Variants in NSF observed in about 807,000 individuals in gnomAD.
NSF encodes the protein N-ethylmaleimide sensitive factor, vesicle fusing ATPase.
Under a neutral mutation model 50.3 loss-of-function variants are expected in NSF, and 14 were observed. The observed-to-expected ratio is 0.28, with a 90% CI of 0.18 to 0.44. The LOEUF (loss-of-function observed/expected upper bound fraction) is 0.44, where lower values mean the gene tolerates loss of function less well. Among genes scored for constraint, NSF ranks in the 20% least tolerant of loss-of-function variants. The pLI is 1.00. For missense variants in NSF, 218 were observed against 504.3 expected, an observed-to-expected ratio of 0.43 and a Z score of 5.44; for synonymous variants, 109 against 175.7, an observed-to-expected ratio of 0.62 and a Z score of 3.00.
intron 9 of NSF, among the ~76,000 whole-genome samples, chr17:46,676,231 TTC>T (rs1266273127): frequency 5.0e-5 from 7 of 140,700 alleles, no homozygotes; most frequent in South Asian, 2.2e-4. Flanking sequence ...GGAATTCTTC[TTC>T]TTTTTTTTTT....
intron 1 of NSF, among the ~76,000 whole-genome samples, chr17:46,607,924 G>A (rs1480099539): frequency 6.0e-5 from 8 of 132,936 alleles, no homozygotes; most frequent in Non-Finnish European, 9.0e-5. Flanking sequence ...CTTGACTAAT[G>A]AATTTTGTTG....
chr17:46,726,849 A>G (rs953093391), intron 16 of NSF, among the ~76,000 whole-genome samples: 1 of 152,186 alleles, frequency 6.6e-6, no homozygotes, highest in Non-Finnish European at 1.5e-5. Flanking sequence ...GTAAGGGCCC[A>G]TGTCTCATTT....
intron 15 of NSF, among the ~76,000 whole-genome samples, 182 bp from the exon 16 acceptor site, chr17:46,726,367 A>G (rs530053865): frequency 3.3e-5 from 5 of 152,310 alleles, no homozygotes; most frequent in Admixed American, 1.3e-4. Context: ...AGTGCTGAAA[A>G]CAGCCTTAGC....
At chr17:46,708,829 T>A (rs1237844522) in intron 13 of NSF, among the ~76,000 whole-genome samples, 198 of 123,108 alleles carry the variant, frequency 1.6e-3, no homozygotes, top group South Asian at 3.8e-3. Flanking sequence ...TATATTTTTT[T>A]TTTTTTTTTT....
chr17:46,592,984 C>CA, intron 1 of NSF, among the ~76,000 whole-genome samples: 1 of 130,230 alleles, frequency 7.7e-6, no homozygotes, highest in Admixed American at 7.6e-5. Flanking sequence ...TAAAATTTGT[C>CA]AGAGTTCTGC....
intron 15 of NSF, among the ~76,000 whole-genome samples, chr17:46,717,913 G>T (rs1792191881): frequency 1.3e-5 from 2 of 152,160 alleles, no homozygotes; most frequent in Admixed American, 6.5e-5. Flanking sequence ...TATGAGCTCA[G>T]CCTTCAGCAA....
chr17:46,732,285 A>G (rs1039381024), intron 17 of NSF, among the ~76,000 whole-genome samples: 1 of 152,148 alleles, frequency 6.6e-6, no homozygotes, highest in Non-Finnish European at 1.5e-5. Context: ...GTGCTCAAAT[A>G]AAAGAATCCC....
At chr17:46,723,825 A>G (rs548867441) in intron 15 of NSF, among the ~76,000 whole-genome samples, 4 of 152,240 alleles carry the variant, frequency 2.6e-5, no homozygotes, top group South Asian at 4.2e-4. Context: ...TCAATTAACT[A>G]TTATTCCCCT....
chr17:46,727,663 T>C (rs1175885193), intron 16 of NSF, among the ~76,000 whole-genome samples: 1 of 152,212 alleles, frequency 6.6e-6, no homozygotes. Context: ...CTAGGTTTGA[T>C]ACATCTCAGC....
intron 16 of NSF, among the ~76,000 whole-genome samples, chr17:46,728,008 A>C (rs28419622): frequency 6.7e-6 from 1 of 149,102 alleles, no homozygotes; most frequent in East Asian, 2.0e-4. Flanking sequence ...TTTTTTTTTT[A>C]TTTTTATTTT....
At position 46,657,265 on chromosome 17, in the gene NSF, G is replaced by A. The variant is rs1204549949; in HGVS notation, c.745+14006G>A. 3.7e-4 allele frequency among the ~76,000 whole-genome samples: 46 copies of A among 125,432 alleles called. No homozygotes were observed. The Middle Eastern group carries it at 0.014, about 39-fold the overall frequency. 82.3% of individuals were successfully genotyped at this position (125,432 alleles called of 152,430 possible). On this transcript the variant is annotated intron_variant, in intron 8 of 20. Coordinates refer to ENST00000398238, the MANE Select transcript of NSF (RefSeq NM_006178.4). ...AGTGTAAATGTTTTTGACATGCACT[G>A]CCAAATTTAGACTTCCTTTTTGAAA...
chr17:46,739,731 GA>G (rs1337996012), intron 17 of NSF, among the ~76,000 whole-genome samples: 2 of 142,006 alleles, frequency 1.4e-5, no homozygotes, highest in Admixed American at 1.4e-4. Flanking sequence ...CTTTTTTTCT[GA>G]TTTTTTTTTT....
intron 19 of NSF, 127 bp from the exon 20 acceptor site, chr17:46,755,187 G>C: frequency 1.4e-6 from 1 of 693,896 alleles, no homozygotes; most frequent in South Asian, 1.7e-5. Context: ...CAAGGAGCAG[G>C]TAACACATTC....
intron 17 of NSF, among the ~76,000 whole-genome samples, chr17:46,744,101 C>T (rs536921945): frequency 6.6e-6 from 1 of 152,236 alleles, no homozygotes; most frequent in Non-Finnish European, 1.5e-5. Context: ...AACCGGGTGC[C>T]CTCCGCCATG....
chr17:46,745,123 G>GGTC (rs1246678348), intron 17 of NSF, among the ~76,000 whole-genome samples: 1 of 152,126 alleles, frequency 6.6e-6, no homozygotes, highest in Admixed American at 6.5e-5. Flanking sequence ...GGAAGGTGGA[G>GGTC]GTCCCCTCTT....
At chr17:46,678,070 TA>T (rs1157496305) in intron 9 of NSF, among the ~76,000 whole-genome samples, 2 of 135,814 alleles carry the variant, frequency 1.5e-5, no homozygotes, top group Non-Finnish European at 3.1e-5. Context: ...GGCAGAATTG[TA>T]AATCCTTCCT....
intron 17 of NSF, among the ~76,000 whole-genome samples, chr17:46,746,584 TGA>T (rs2059131287): frequency 6.6e-6 from 1 of 152,046 alleles, no homozygotes; most frequent in Non-Finnish European, 1.5e-5. Context: ...ATCTATGGAC[TGA>T]GTGTGTATTA....
intron 17 of NSF, among the ~76,000 whole-genome samples, chr17:46,730,670 A>C (rs2058940294): frequency 6.6e-6 from 1 of 152,180 alleles, no homozygotes; most frequent in Non-Finnish European, 1.5e-5. Context: ...CAACAAAAAA[A>C]AATTTTTCAG....
chr17:46,747,606 T>C (rs2059143669), intron 17 of NSF, among the ~76,000 whole-genome samples: 1 of 152,090 alleles, frequency 6.6e-6, no homozygotes, highest in African/African-American at 2.4e-5. Context: ...TGTATTTTAA[T>C]TGCACAGGAT....
Sources: allele counts gnomAD v4.1 joint callset (sites outside exome capture counted in the v4.1 genomes callset), GRCh38; gene constraint gnomAD v4.1.1; transcripts MANE v1.5; gene names NCBI Gene and HGNC (gene_info 2026-07-23, HGNC 2026-07-21).